MSH4: variants seen among roughly 807,000 people sequenced by gnomAD.
MSH4 encodes mutS homolog 4.
A neutral mutation model predicts 113.7 loss-of-function variants in MSH4; 106 were observed. The observed-to-expected ratio is 0.93, with a 90% CI of 0.80 to 1.10. The LOEUF (loss-of-function observed/expected upper bound fraction) is 1.10. Among genes scored for constraint, MSH4 ranks in the 50% least tolerant of loss-of-function variants. The probability of loss-of-function intolerance (pLI) is 0.00; values close to 1 mark genes in which losing one functional copy is unlikely to be tolerated. For missense variants in MSH4, 1,061 were observed against 1,093.7 expected (o/e 0.97, Z 0.42); for synonymous variants, 368 against 380.2 (o/e 0.97, Z 0.37).
chr1:75,797,287 G>C (rs1038538601), intron 1 of MSH4, 58 bp downstream of exon 1: 18 of 1,544,556 alleles, frequency 1.2e-5, no homozygotes, highest in Admixed American at 3.8e-5. Flanking sequence ...AGTTCATGGA[G>C]GCTCGGGGGC....
At chr1:75,867,433 G>C in intron 8 of MSH4, 81 bp from the exon 9 acceptor site, 1 of 778,086 alleles carries the variant, frequency 1.3e-6, no homozygotes, top group African/African-American at 2.1e-5. Context: ...TATGGAAAGA[G>C]TAAGAATGTT....
At position 75,851,222 on chromosome 1, in the gene MSH4, T is replaced by C. The variant is rs201611538; in HGVS notation, c.1230+2946T>C. Among the ~76,000 whole-genome samples the C allele has an allele frequency of 2.5e-3, 221 of 88,788 alleles. 1 individual carries two copies. Among genetic ancestry groups the C allele is most frequent in the African/African-American group, 8.0e-3 (210 of 26,284 alleles). 58.2% of individuals were successfully genotyped at this position (88,788 alleles called of 152,430 possible). ...TGTTTTTATTTAAATCTGCCATCGT[T>C]TTTTTTTTCATTTTTCTCATCTGTT... On this transcript the variant is annotated intron_variant, in intron 8 of 19. Transcript: ENST00000263187.
intron 19 of MSH4, among the ~76,000 whole-genome samples, chr1:75,902,735 A>ATATATG (rs1652537668): frequency 1.0e-5 from 1 of 96,126 alleles, no homozygotes; most frequent in African/African-American, 3.5e-5. Flanking sequence ...ATATATATAT[A>ATATATG]GTTCTTTTAG....
rs1239505872 is a variant in MSH4, at chr1:75,822,502, T to C, written c.1083T>C (p.Asp361=). The C allele has an allele frequency of 1.9e-6, 3 of 1,586,676 alleles. No individual in the cohort carries two copies. The highest frequency in any genetic ancestry group is 1.7e-6 in the Non-Finnish European group (2 of 1,169,426). The change falls in exon 7 of 20, where the codon GAT becomes GAC. Residue 361 remains aspartate, a synonymous_variant. Transcript: ENST00000263187. ...LRSNILEPLV[D]IETINMRLDC... is the part of the protein sequence containing the mutation. ...CTAATATATTAGAGCCTCTAGTTGA[T>C]ATTGAAACCATTAACATGAGATTAG...
intron 15 of MSH4, among the ~76,000 whole-genome samples, chr1:75,885,074 T>TAC (rs1428287547): frequency 1.4e-5 from 2 of 141,944 alleles, no homozygotes; most frequent in African/African-American, 5.2e-5. Context: ...TATATATATA[T>TAC]ACCAGCCAGG....
At chr1:75,882,431 C>T (rs1005303128) in intron 14 of MSH4, among the ~76,000 whole-genome samples, 1 of 151,966 alleles carries the variant, frequency 6.6e-6, no homozygotes. Flanking sequence ...TTCCTCCTCC[C>T]CCCACTTCAG....
intron 19 of MSH4, 34 bp downstream of exon 19, chr1:75,899,740 T>TA (rs750190469): frequency 1.1e-4 from 134 of 1,236,394 alleles, no homozygotes; most frequent in South Asian, 3.8e-4. Context: ...TTCTTCAAAT[T>TA]AAAAAAAATA....
In MSH4 at chr1:75,796,968, CAGGGA is replaced by C. The variant is rs777618376; in HGVS notation, c.-14_-10del. The C allele has an allele frequency of 6.2e-7, 1 of 1,613,484 alleles. No homozygotes were observed. Among genetic ancestry groups the C allele is most frequent in the Non-Finnish European group, 8.5e-7 (1 of 1,179,780 alleles). ...CTCAGAAACCTCATACTTCTCGGGT[CAGGGA>C]AGGTTTGGGAGGATGCTGAGGCCTG... On this transcript the variant is annotated 5_prime_UTR_variant, in exon 1 of 20. Coordinates refer to ENST00000263187, the MANE Select transcript of MSH4 (RefSeq NM_002440.4).
intron 4 of MSH4, among the ~76,000 whole-genome samples, chr1:75,812,398 A>G (rs1394470382): frequency 6.6e-6 from 1 of 152,140 alleles, no homozygotes; most frequent in Non-Finnish European, 1.5e-5. Context: ...AAAAATTATT[A>G]TAACAAAAAG....
At chr1:75,885,860 GTAT>G (rs1452202895) in intron 15 of MSH4, among the ~76,000 whole-genome samples, 2 of 127,230 alleles carry the variant, frequency 1.6e-5, no homozygotes, top group African/African-American at 2.9e-5. Flanking sequence ...TATATGTAAT[GTAT>G]TATATGTATT....
intron 15 of MSH4, among the ~76,000 whole-genome samples, chr1:75,884,886 T>G (rs542941870): frequency 6.6e-6 from 1 of 151,700 alleles, no homozygotes; most frequent in Non-Finnish European, 1.5e-5. Context: ...CTTCGCCTTA[T>G]AAGAATACTG....
chr1:75,893,587 G>A (rs770768038), intron 17 of MSH4, among the ~76,000 whole-genome samples: 2 of 152,298 alleles, frequency 1.3e-5, no homozygotes, highest in African/African-American at 4.8e-5. Context: ...CCAATGCTGA[G>A]TCTCCTCAAG....
At chr1:75,835,822 A>C (rs1387157732) in intron 7 of MSH4, among the ~76,000 whole-genome samples, 2 of 152,174 alleles carry the variant, frequency 1.3e-5, no homozygotes, top group Non-Finnish European at 1.5e-5. Flanking sequence ...ACTATGTCTC[A>C]ATGTGCTGCA....
At chr1:75,799,379 A>G (rs1172960769) in intron 1 of MSH4, among the ~76,000 whole-genome samples, 1 of 152,200 alleles carries the variant, frequency 6.6e-6, no homozygotes, top group African/African-American at 2.4e-5. Flanking sequence ...TGTGCTCTCA[A>G]TGAACTTAAG....
chr1:75,826,315 CT>C (rs1413639101), intron 7 of MSH4, among the ~76,000 whole-genome samples: 2 of 152,100 alleles, frequency 1.3e-5, no homozygotes, highest in African/African-American at 4.8e-5. Context: ...GTGATATCCC[CT>C]TTATCATTTC....
rs190153610 is a variant in MSH4, at chr1:75,886,470, T to C, written c.2107+2649T>C. On this transcript the variant is annotated intron_variant, in intron 15 of 19. Coordinates refer to ENST00000263187, the MANE Select transcript of MSH4 (RefSeq NM_002440.4). ...AATATATATGATGTATTATATATTA[T>C]ATATAATATATATGATGTATTATAT... 6.2e-3 allele frequency among the ~76,000 whole-genome samples: 511 copies of C among 82,858 alleles called. 13 individuals carry two copies. The highest frequency in any genetic ancestry group is 0.018 in the South Asian group (57 of 3,250). 54.4% of individuals were successfully genotyped at this position (82,858 alleles called of 152,430 possible).
intron 1 of MSH4, among the ~76,000 whole-genome samples, chr1:75,802,437 A>C (rs1166754113): frequency 6.6e-6 from 1 of 152,196 alleles, no homozygotes; most frequent in Non-Finnish European, 1.5e-5. Context: ...CAAGATAGAG[A>C]GTTGTGGAAA....
chr1:75,839,900 C>T (rs1383663732), intron 7 of MSH4, among the ~76,000 whole-genome samples: 1 of 143,940 alleles, frequency 6.9e-6, no homozygotes, highest in Non-Finnish European at 1.5e-5. Context: ...TTTATGCAGC[C>T]AAAAAACACA....
At chr1:75,906,224 T>C (rs577731284) in intron 19 of MSH4, among the ~76,000 whole-genome samples, 1 of 151,002 alleles carries the variant, frequency 6.6e-6, no homozygotes, top group East Asian at 2.0e-4. Flanking sequence ...CTCCTGTTTT[T>C]TTAAGTCTTG....
Sources: allele counts gnomAD v4.1 joint callset (sites outside exome capture counted in the v4.1 genomes callset), GRCh38; gene constraint gnomAD v4.1.1; transcripts MANE v1.5; gene names NCBI Gene and HGNC (gene_info 2026-07-23, HGNC 2026-07-21).